Variants in ATRNL1 observed in about 807,000 individuals in gnomAD.
The protein encoded by ATRNL1 is attractin-like protein 1.
ATRNL1 carries 95 observed loss-of-function variants against 182.7 expected under a neutral mutation model. That is an observed-to-expected ratio of 0.52 (90% CI 0.44 to 0.62). The LOEUF (loss-of-function observed/expected upper bound fraction) is 0.62. Among genes scored for constraint, ATRNL1 ranks in the 20% least tolerant of loss-of-function variants. The pLI is 0.00. For synonymous variants in ATRNL1, 576 were observed against 568.3 expected (o/e 1.01, Z -0.19); for missense variants, 1,471 against 1,679.5 (o/e 0.88, Z 2.17).
chr10:115,837,631 G>A (rs1950709300), intron 27 of ATRNL1, among the ~76,000 whole-genome samples: 1 of 151,940 alleles, frequency 6.6e-6, no homozygotes, highest in South Asian at 2.1e-4. Context: ...CTTTGTAATG[G>A]CTTTTGCCTC....
At chr10:115,483,161 A>G (rs896171694) in intron 24 of ATRNL1, among the ~76,000 whole-genome samples, 8 of 151,378 alleles carry the variant, frequency 5.3e-5, no homozygotes, top group Admixed American at 1.3e-4. Context: ...TTGATCTCCT[A>G]TGGAAAGACA....
At chr10:115,160,883 G>A (rs1473982258) in intron 6 of ATRNL1, among the ~76,000 whole-genome samples, 1 of 151,816 alleles carries the variant, frequency 6.6e-6, no homozygotes, top group African/African-American at 2.4e-5. Context: ...GGTACAGCTT[G>A]GGCATCAAAC....
chr10:115,258,827 C>A (rs1467040702), intron 10 of ATRNL1, among the ~76,000 whole-genome samples: 1 of 152,124 alleles, frequency 6.6e-6, no homozygotes, highest in Middle Eastern at 3.2e-3. Flanking sequence ...GTTGATGTTG[C>A]TGCTATTCTT....
intron 26 of ATRNL1, among the ~76,000 whole-genome samples, chr10:115,593,245 G>A (rs1354015232): frequency 6.6e-6 from 1 of 152,138 alleles, no homozygotes; most frequent in Non-Finnish European, 1.5e-5. Context: ...TGGGGTCAGG[G>A]ACCTCATGAC....
chr10:115,817,875 G>A (rs1158286031), intron 27 of ATRNL1, among the ~76,000 whole-genome samples: 1 of 27,916 alleles, frequency 3.6e-5, no homozygotes, highest in East Asian at 1.5e-3. Flanking sequence ...ATTTTACGTT[G>A]TGTTTTTTTT....
At chr10:115,398,640 G>A (rs1286352893) in intron 20 of ATRNL1, among the ~76,000 whole-genome samples, 2 of 152,094 alleles carry the variant, frequency 1.3e-5, no homozygotes, top group African/African-American at 2.4e-5. Context: ...GTAGGATCAT[G>A]TTGTCTGCAA....
At chr10:115,687,438 G>A (rs911637418) in intron 26 of ATRNL1, among the ~76,000 whole-genome samples, 7 of 151,966 alleles carry the variant, frequency 4.6e-5, no homozygotes, top group Non-Finnish European at 7.4e-5. Flanking sequence ...GTTGCAAATC[G>A]CAAGATTGCC....
rs1457459112 is a variant in ATRNL1, at chr10:115,626,018, A to C, written c.3795+76482A>C. On this transcript the variant is annotated intron_variant, in intron 26 of 28. Coordinates refer to ENST00000355044, the MANE Select transcript of ATRNL1 (RefSeq NM_207303.4). Reference sequence around the variant, plus strand: ...GCCTTGCAGAGTAAATATTTTACTAATAATAATTTGTACTACATGGTATAT... The same window carrying C: ...GCCTTGCAGAGTAAATATTTTACTACTAATAATTTGTACTACATGGTATAT... Among the ~76,000 whole-genome samples, 4 of 152,164 alleles carry C rather than the reference A, an allele frequency of 2.6e-5. No individual in the cohort carries two copies. The East Asian group carries it at 5.8e-4, about 22-fold the overall frequency.
chr10:115,117,143 A>G (rs1021560048), intron 1 of ATRNL1, among the ~76,000 whole-genome samples: 2 of 152,070 alleles, frequency 1.3e-5, no homozygotes, highest in Admixed American at 1.3e-4. Context: ...CATGCAATGC[A>G]TAATCACATC....
intron 27 of ATRNL1, among the ~76,000 whole-genome samples, chr10:115,821,047 A>G (rs1555090146): frequency 1.3e-5 from 2 of 152,042 alleles, no homozygotes; most frequent in African/African-American, 4.8e-5. Flanking sequence ...GCCATGTAAT[A>G]CATGCCTTTG....
At chr10:115,714,338 A>G (rs1947182108) in intron 26 of ATRNL1, among the ~76,000 whole-genome samples, 1 of 151,816 alleles carries the variant, frequency 6.6e-6, no homozygotes, top group Admixed American at 6.6e-5. Context: ...AAGAAAAAAA[A>G]AAACTCAGCA....
chr10:115,510,031 TGTG>T (rs1318045362), intron 24 of ATRNL1, among the ~76,000 whole-genome samples: 1 of 152,014 alleles, frequency 6.6e-6, no homozygotes, highest in African/African-American at 2.4e-5. Context: ...TAACTGCACT[TGTG>T]GTAGAGATAG....
chr10:115,223,776 T>C (rs570209897), intron 9 of ATRNL1, among the ~76,000 whole-genome samples: 1 of 150,612 alleles, frequency 6.6e-6, no homozygotes, highest in Admixed American at 6.6e-5. Flanking sequence ...ACAAATTAAT[T>C]GACCACAGTG....
chr10:115,704,127 T>G (rs1555052442), intron 26 of ATRNL1, among the ~76,000 whole-genome samples: 1 of 152,022 alleles, frequency 6.6e-6, no homozygotes, highest in Non-Finnish European at 1.5e-5. Context: ...AGAAATGTAT[T>G]CTTTTACGAT....
At chr10:115,602,625 A>G (rs1197563802) in intron 26 of ATRNL1, among the ~76,000 whole-genome samples, 5 of 152,086 alleles carry the variant, frequency 3.3e-5, no homozygotes, top group African/African-American at 1.2e-4. Flanking sequence ...ACACTTTGGG[A>G]GGCCAAGGTG....
At position 115,365,264 on chromosome 10, in the gene ATRNL1, G is replaced by A. The variant is rs1291303060; in HGVS notation, c.3176-29395G>A. 1.5e-3 allele frequency among the ~76,000 whole-genome samples: 233 copies of A among 152,142 alleles called. 1 individual carries two copies. Among genetic ancestry groups the A allele is most frequent in the Middle Eastern group, 3.4e-3 (1 of 292 alleles). ...TTAGTCTTGGGAGAGTGTATGTATC[G>A]AGGAATTTATCCATTTCTTCTAGAT... On this transcript the variant is annotated intron_variant, in intron 19 of 28. Transcript: ENST00000355044.
chr10:115,536,040 G>A (rs1419180619), intron 25 of ATRNL1, among the ~76,000 whole-genome samples: 1 of 152,070 alleles, frequency 6.6e-6, no homozygotes, highest in Non-Finnish European at 1.5e-5. Context: ...CTCCCAGTTA[G>A]GCTTCTCGGG....
At chr10:115,267,055 C>A in intron 12 of ATRNL1, 50 bp downstream of exon 12, 1 of 1,282,442 alleles carries the variant, frequency 7.8e-7, no homozygotes, top group Non-Finnish European at 1.1e-6. Context: ...TTCTCTTCTA[C>A]AGAAGTAGAA....
chr10:115,143,884 C>T (rs1554878679), intron 5 of ATRNL1, among the ~76,000 whole-genome samples: 1 of 152,126 alleles, frequency 6.6e-6, no homozygotes, highest in East Asian at 1.9e-4. Context: ...GTCCAGAGCC[C>T]CACCTACTAA....
Sources: allele counts gnomAD v4.1 joint callset (sites outside exome capture counted in the v4.1 genomes callset), GRCh38; gene constraint gnomAD v4.1.1; transcripts MANE v1.5; gene names NCBI Gene and HGNC (gene_info 2026-07-23, HGNC 2026-07-21).